Variants in RERE observed in about 807,000 individuals in gnomAD.
RERE encodes the protein arginine-glutamic acid dipeptide repeats.
Under a neutral mutation model 146.1 loss-of-function variants are expected in RERE, and 40 were observed. The observed-to-expected ratio is 0.27, with a 90% confidence interval of 0.21 to 0.36. The LOEUF (loss-of-function observed/expected upper bound fraction) is 0.36, where lower values mean the gene tolerates loss of function less well. RERE is among the 10% of genes least tolerant of loss of function. The pLI is 1.00. For synonymous variants in RERE, 1,003 were observed against 866.0 expected (o/e 1.16, Z -2.78); for missense variants, 1,933 against 2,138.7 (o/e 0.90, Z 1.90).
chr1:8,358,127 G>A, intron 20 of RERE, 69 bp downstream of exon 20: 1 of 1,525,450 alleles, frequency 6.6e-7, no homozygotes, highest in Middle Eastern at 2.2e-4. Context: ...CCTGGATGGT[G>A]ACTGTCACTC....
chr1:8,464,083 G>A (rs556806803), intron 11 of RERE, among the ~76,000 whole-genome samples: 16 of 152,234 alleles, frequency 1.1e-4, no homozygotes, highest in Admixed American at 8.5e-4. Context: ...TGAATTTAAC[G>A]TTGTCTAAAC....
chr1:8,431,802 T>C (rs1252952498), intron 11 of RERE, among the ~76,000 whole-genome samples: 1 of 152,194 alleles, frequency 6.6e-6, no homozygotes, highest in African/African-American at 2.4e-5. Context: ...TCTCCCCCGC[T>C]TCTCTCTCCC....
chr1:8,566,205 G>C (rs1347833079), intron 4 of RERE, among the ~76,000 whole-genome samples: 1 of 152,206 alleles, frequency 6.6e-6, no homozygotes, highest in Non-Finnish European at 1.5e-5. Flanking sequence ...TCCACTCTCA[G>C]TGGGGCCTGA....
rs796142587 is a variant in RERE at position 8,486,787 on chromosome 1, G to T, written c.1104+8276C>A. Among the ~76,000 whole-genome samples the T allele has an allele frequency of 1.2e-3, 153 of 131,630 alleles. 5 individuals carry two copies. The South Asian group carries it at 0.036, about 31-fold the overall frequency. 86.4% of individuals were successfully genotyped at this position (131,630 alleles called of 152,430 possible). ...AAAAAAAAAAAGAAAAGAAAGAAAAGAAAAAAAGCACTTTCTATATAAAAA... is the reference window on the plus strand; with the variant it reads ...AAAAAAAAAAAGAAAAGAAAGAAAATAAAAAAAGCACTTTCTATATAAAAA... On this transcript the variant is annotated intron_variant, in intron 10 of 22. Coordinates refer to ENST00000400908, the MANE Select transcript of RERE (RefSeq NM_001042681.2).
At chr1:8,536,090 G>A (rs1645720686) in intron 7 of RERE, among the ~76,000 whole-genome samples, 2 of 146,720 alleles carry the variant, frequency 1.4e-5, no homozygotes, top group Non-Finnish European at 3.0e-5. Flanking sequence ...TGGCGATAGA[G>A]CGAGACTCCA....
chr1:8,446,675 A>ATTTCT (rs756189690), intron 11 of RERE, among the ~76,000 whole-genome samples: 7 of 151,670 alleles, frequency 4.6e-5, no homozygotes, highest in Non-Finnish European at 7.4e-5. Flanking sequence ...GGCTTTGTTC[A>ATTTCT]TTTCTTTTCT....
intron 8 of RERE, among the ~76,000 whole-genome samples, chr1:8,508,369 TAGAA>T (rs1324538211): frequency 5.9e-5 from 9 of 152,228 alleles, no homozygotes; most frequent in South Asian, 2.1e-4. Flanking sequence ...TTTTGCAAGA[TAGAA>T]AGAGTTCTGG....
At chr1:8,814,196 G>GT (rs1178017143) in intron 1 of RERE, among the ~76,000 whole-genome samples, 1 of 152,190 alleles carries the variant, frequency 6.6e-6, no homozygotes, top group East Asian at 1.9e-4. Flanking sequence ...AAGTGAATCA[G>GT]AAGTCACATT....
At chr1:8,519,507 A>C (rs1035354011) in intron 7 of RERE, among the ~76,000 whole-genome samples, 5 of 152,202 alleles carry the variant, frequency 3.3e-5, no homozygotes, top group Admixed American at 3.3e-4. Context: ...AATTAAATCT[A>C]ATTCCTTAGT....
intron 4 of RERE, among the ~76,000 whole-genome samples, chr1:8,606,757 A>C (rs1421251056): frequency 6.6e-6 from 1 of 152,224 alleles, no homozygotes; most frequent in African/African-American, 2.4e-5. Context: ...AGCTATTTAC[A>C]GGCTGAAAAT....
chr1:8,789,301 A>ATATATATATATATATATAT (rs1553149621), intron 1 of RERE, among the ~76,000 whole-genome samples: 10 of 24,812 alleles, frequency 4.0e-4, no homozygotes, highest in Non-Finnish European at 5.8e-4. Flanking sequence ...AAAAAAAAAA[A>ATATATATATATATATATAT]ATATATATAT....
chr1:8,753,818 A>C (rs1036585020), intron 1 of RERE: 2 of 152,210 alleles, frequency 1.3e-5, no homozygotes, highest in Non-Finnish European at 2.9e-5. Context: ...CACACATTTG[A>C]AAGACCCAGC....
intron 10 of RERE, among the ~76,000 whole-genome samples, chr1:8,469,824 T>C (rs1051378537): frequency 2.0e-5 from 3 of 152,158 alleles, no homozygotes; most frequent in Admixed American, 2.0e-4. Flanking sequence ...ATGCTTCCAC[T>C]GAAGTGTTGA....
chr1:8,693,231 C>G (rs994384777), intron 1 of RERE, among the ~76,000 whole-genome samples: 3 of 152,300 alleles, frequency 2.0e-5, no homozygotes, highest in Admixed American at 2.0e-4. Context: ...ACACAGAAAT[C>G]ACACACCTTC....
intron 1 of RERE, among the ~76,000 whole-genome samples, chr1:8,690,957 G>C (rs915377938): frequency 2.0e-5 from 3 of 152,100 alleles, no homozygotes; most frequent in East Asian, 1.9e-4. Context: ...GAATGCAGTG[G>C]TGCAATCTCG....
intron 1 of RERE, among the ~76,000 whole-genome samples, chr1:8,785,773 C>A (rs1641248854): frequency 6.6e-6 from 1 of 152,168 alleles, no homozygotes; most frequent in African/African-American, 2.4e-5. Flanking sequence ...AGGTGCCAAC[C>A]ACCACGCCCA....
At chr1:8,701,287 T>TACAC (rs745905637) in intron 1 of RERE, among the ~76,000 whole-genome samples, 3,815 of 93,614 alleles carry the variant, frequency 0.041, 65 homozygotes, top group South Asian at 0.083. Flanking sequence ...GTGAGGGGAA[T>TACAC]ACACACACAC....
At chr1:8,648,779 TATAC>T (rs1647448712) in intron 2 of RERE, among the ~76,000 whole-genome samples, 1 of 152,110 alleles carries the variant, frequency 6.6e-6, no homozygotes, top group Admixed American at 6.5e-5. Flanking sequence ...CACAAACTTA[TATAC>T]ATAAATACAT....
chr1:8,597,133 G>A (rs1646564438), intron 4 of RERE, among the ~76,000 whole-genome samples: 2 of 151,066 alleles, frequency 1.3e-5, no homozygotes, highest in Admixed American at 6.6e-5. Flanking sequence ...TGTCACCCAG[G>A]CCAGAGCGCA....
Sources: gnomAD v4.1 joint callset for allele counts (sites outside exome capture counted in the v4.1 genomes callset) on GRCh38, gnomAD v4.1.1 for gene constraint, MANE v1.5 for transcripts, NCBI Gene and HGNC (gene_info 2026-07-23, HGNC 2026-07-21) for gene names.